Variants in PDCD7 observed in about 807,000 individuals in gnomAD.
The protein encoded by PDCD7 is programmed cell death 7.
A neutral mutation model predicts 42.1 loss-of-function variants in PDCD7; 40 were observed. The observed-to-expected ratio is 0.95, with a 90% confidence interval of 0.74 to 1.24. The LOEUF (loss-of-function observed/expected upper bound fraction) is 1.24, where lower values mean the gene tolerates loss of function less well. Ranked by LOEUF, PDCD7 falls within the 50% of genes most tolerant of loss-of-function variation. The probability of loss-of-function intolerance (pLI) is 0.00; values close to 1 mark genes in which losing one functional copy is unlikely to be tolerated. For synonymous variants in PDCD7, 299 were observed against 303.3 expected (o/e 0.99, Z 0.15); for missense variants, 644 against 662.8 (o/e 0.97, Z 0.31).
At chr15:65,123,529 C>A (rs924737655) in intron 2 of PDCD7, among the ~76,000 whole-genome samples, 2 of 152,198 alleles carry the variant, frequency 1.3e-5, no homozygotes, top group Admixed American at 6.5e-5. Flanking sequence ...TTGTGTTATA[C>A]AATAGTGCCA....
At position 65,133,587 on chromosome 15, in the gene PDCD7, T is replaced by G. The variant is rs1301896055; in HGVS notation, c.195A>C (p.Arg65=). 1 of 1,232,570 alleles carries G rather than the reference T, an allele frequency of 8.1e-7. No individual in the cohort carries two copies. Among genetic ancestry groups the G allele is most frequent in the East Asian group, 3.2e-5 (1 of 31,586 alleles). The allele number at this position is 1,232,570 out of a possible 1,614,324, so 76.4% of individuals were successfully genotyped here. ...FLQPPLALQP[R]ASAEASRGGG... ...CGCCGCGGGAGGCCTCCGCGGAGGC[T>G]CGGGGCTGCAGAGCCAGCGGAGGCT... The change falls in exon 1 of 5, where the codon CGA becomes CGC. Residue 65 remains arginine (R), a synonymous_variant. Transcript: ENST00000204549.
intron 1 of PDCD7, among the ~76,000 whole-genome samples, chr15:65,129,558 G>A (rs1460999737): frequency 6.6e-6 from 1 of 152,164 alleles, no homozygotes; most frequent in Non-Finnish European, 1.5e-5. Context: ...TAAGGAATGT[G>A]GCTGGAAAGG....
chr15:65,118,871 ATTTC>A, intron 4 of PDCD7, 31 bp from the exon 5 acceptor site: 1 of 1,484,688 alleles, frequency 6.7e-7, no homozygotes, highest in South Asian at 1.4e-5. Flanking sequence ...ACAACTATTT[ATTTC>A]TGTTTTATTC....
chr15:65,126,090 C>A (rs972070775), intron 2 of PDCD7, among the ~76,000 whole-genome samples: 1 of 152,190 alleles, frequency 6.6e-6, no homozygotes. Context: ...ATTATGGGAG[C>A]TACAATTCAA....
At chr15:65,122,858 C>T (rs574836868) in intron 2 of PDCD7, among the ~76,000 whole-genome samples, 8 of 151,754 alleles carry the variant, frequency 5.3e-5, no homozygotes, top group South Asian at 2.1e-4. Flanking sequence ...AAAAATTAGC[C>T]GGGCGTGGTG....
At chr15:65,119,568 G>T in intron 3 of PDCD7, 105 bp from the exon 4 acceptor site, 1 of 1,217,250 alleles carries the variant, frequency 8.2e-7, no homozygotes, top group Non-Finnish European at 1.2e-6. Flanking sequence ...GAGAAAATGT[G>T]TTCTATCTGT....
chr15:65,131,407 T>C (rs541100014), intron 1 of PDCD7, among the ~76,000 whole-genome samples: 11 of 152,192 alleles, frequency 7.2e-5, no homozygotes, highest in African/African-American at 2.2e-4. Flanking sequence ...ATAATAGAAA[T>C]AATGAGGAAG....
chr15:65,121,053 C>CTTTTTTTTTTT, intron 2 of PDCD7, among the ~76,000 whole-genome samples: 1 of 130,158 alleles, frequency 7.7e-6, no homozygotes, highest in Non-Finnish European at 1.7e-5. Flanking sequence ...GACTTTCTTT[C>CTTTTTTTTTTT]TTTTTTTTTT....
chr15:65,128,698 T>C (rs2087515829), intron 2 of PDCD7, among the ~76,000 whole-genome samples: 1 of 152,224 alleles, frequency 6.6e-6, no homozygotes, highest in African/African-American at 2.4e-5. Flanking sequence ...TGAAAAGCTT[T>C]CACTCTGGCA....
rs2087444944 is a variant in PDCD7, at chr15:65,120,500, A to T, written c.1010-546T>A. On this transcript the variant is annotated intron_variant, in intron 2 of 4. Transcript: ENST00000204549. ...TTGTATGAGGTCTCACGAGGTCAGG[A>T]GATTGAGAACATCCTGGCTAACACG... Among the ~76,000 whole-genome samples, 3 of 152,182 alleles carry T rather than the reference A, an allele frequency of 2.0e-5. No individual in the cohort carries two copies. In the South Asian group the frequency reaches 6.2e-4, roughly 32 times the overall value.
In PDCD7 at chr15:65,129,039, C is replaced by T. The variant is rs766294661; in HGVS notation, c.1002G>A (p.Ala334=). 10 of 1,614,100 alleles carry T rather than the reference C, an allele frequency of 6.2e-6. No homozygotes were observed. In the Admixed American group the frequency reaches 1.0e-4, roughly 16 times the overall value. ...KLRKLRKEAA[A]RKGVCPPASA... is the part of the protein sequence containing the mutation. ...ATGCAAAGCCACAGTTACCTTTCCT[C>T]GCTGCAGCCTCTTTCCTCAGTTTCC... is the stretch of plus-strand genomic sequence containing the variant. Residue 334 remains alanine (A), a synonymous_variant, in exon 2 of 5, where the codon GCG becomes GCA. Transcript: ENST00000204549.
At chr15:65,121,771 T>G (rs1331946617) in intron 2 of PDCD7, among the ~76,000 whole-genome samples, 1 of 152,234 alleles carries the variant, frequency 6.6e-6, no homozygotes, top group East Asian at 1.9e-4. Flanking sequence ...ACTGCTAATT[T>G]TTTTGGTGTG....
At chr15:65,121,053 CT>C (rs767625477) in intron 2 of PDCD7, among the ~76,000 whole-genome samples, 1,716 of 130,142 alleles carry the variant, frequency 0.013, 10 homozygotes, top group Middle Eastern at 0.032. Flanking sequence ...GACTTTCTTT[CT>C]TTTTTTTTTT....
At chr15:65,130,288 C>T (rs956419255) in intron 1 of PDCD7, among the ~76,000 whole-genome samples, 7 of 150,600 alleles carry the variant, frequency 4.6e-5, no homozygotes, top group African/African-American at 1.7e-4. Flanking sequence ...TCCCAATTAG[C>T]TGGGTTTACA....
Position 65,133,760 on chromosome 15 carries a change from C to A in PDCD7, c.22G>T (p.Gly8Cys). The A allele has an allele frequency of 7.5e-7, 1 of 1,335,958 alleles. No homozygotes were observed. Among genetic ancestry groups the A allele is most frequent in the East Asian group, 3.0e-5 (1 of 32,906 alleles). The allele number at this position is 1,335,958 out of a possible 1,614,324, so 82.8% of individuals were successfully genotyped here. The change falls in exon 1 of 5, where the codon GGC (glycine) becomes TGC (cysteine). Residue 8 changes from glycine (G) to cysteine (C), a missense_variant. Gly to Cys is a radical substitution (Grantham distance 159). Transcript: ENST00000204549. Reference sequence around the variant, plus strand: ...GGCGGTGGGCCTGGGCGACCCTGGCCGAAGAATGGTGGCAGGGCCATGTTC... The same window carrying A: ...GGCGGTGGGCCTGGGCGACCCTGGCAGAAGAATGGTGGCAGGGCCATGTTC... MALPPFF[G>C]QGRPGPPPPQ...
At chr15:65,128,703 C>T (rs955801234) in intron 2 of PDCD7, among the ~76,000 whole-genome samples, 1 of 152,222 alleles carries the variant, frequency 6.6e-6, no homozygotes, top group Non-Finnish European at 1.5e-5. Context: ...AGCTTTCACT[C>T]TGGCACAAGG....
intron 1 of PDCD7, among the ~76,000 whole-genome samples, chr15:65,129,915 A>ATTTT (rs746709395): frequency 4.7e-5 from 4 of 84,952 alleles, no homozygotes; most frequent in Non-Finnish European, 9.7e-5. Context: ...GAAACTTTGT[A>ATTTT]TTTTTTTTTT....
intron 2 of PDCD7, among the ~76,000 whole-genome samples, chr15:65,128,565 AC>A (rs2087514784): frequency 6.6e-6 from 1 of 152,220 alleles, no homozygotes. Context: ...GGAAATCCAC[AC>A]AGTCTGCAAT....
chr15:65,133,756 T>C lies in PDCD7; in HGVS notation c.26A>G (p.Gln9Arg), dbSNP rs931691097. MALPPFFG[Q>R]GRPGPPPPQP... ...CGGGGGCGGTGGGCCTGGGCGACCC[T>C]GGCCGAAGAATGGTGGCAGGGCCAT... Residue 9 changes from glutamine (Q) to arginine (R), a missense_variant, in exon 1 of 5, where the codon CAG becomes CGG. Physicochemically the swap from Gln to Arg is conservative, Grantham distance 43. Transcript: ENST00000204549. 3 of 1,333,470 alleles carry C rather than the reference T, an allele frequency of 2.2e-6. No homozygotes were observed. Among genetic ancestry groups the C allele is most frequent in the Admixed American group, 7.9e-5 (2 of 25,442 alleles). The allele number at this position is 1,333,470 out of a possible 1,614,324, so 82.6% of individuals were successfully genotyped here.
Sources: allele counts gnomAD v4.1 joint callset (sites outside exome capture counted in the v4.1 genomes callset), GRCh38; gene constraint gnomAD v4.1.1; transcripts MANE v1.5; gene names NCBI Gene and HGNC (gene_info 2026-07-23, HGNC 2026-07-21).